Variants in PCDHGB1 observed in about 807,000 individuals in gnomAD.
The protein encoded by PCDHGB1 is protocadherin gamma-B1.
In PCDHGB1, 34 loss-of-function variants were observed where a neutral mutation model predicts 56.6. That is an observed-to-expected ratio of 0.60 (90% CI 0.46 to 0.80). The LOEUF (loss-of-function observed/expected upper bound fraction) is 0.80. PCDHGB1 is among the 30% of genes least tolerant of loss of function. PCDHGB1 has a pLI of 0.00. For synonymous variants in PCDHGB1, 561 were observed against 505.9 expected (o/e 1.11, Z -1.46); for missense variants, 1,278 against 1,204.6 (o/e 1.06, Z -0.90).
chr5:141,390,477 C>T (rs2150421205), intron 1 of PCDHGB1: 3 of 678,620 alleles, frequency 4.4e-6, no homozygotes, highest in South Asian at 2.0e-5. Flanking sequence ...TGTGGCCCAA[C>T]ATTTGTTTGT....
At chr5:141,372,282 C>G (rs1163647309) in intron 1 of PCDHGB1, 3 of 1,613,202 alleles carry the variant, frequency 1.9e-6, no homozygotes, top group East Asian at 2.2e-5. Flanking sequence ...GCGCACGGCG[C>G]GTACCTTGGG....
chr5:141,392,628 A>C (rs2092566593), intron 1 of PCDHGB1: 2 of 588,334 alleles, frequency 3.4e-6, no homozygotes, highest in South Asian at 5.4e-5. Flanking sequence ...AAACACTCAG[A>C]TCTCACACCT....
rs935078369 is a variant in PCDHGB1 at position 141,351,524 on chromosome 5, G to A, written c.1264G>A (p.Asp422Asn). 9.9e-6 allele frequency: 16 copies of A among 1,613,998 alleles called. No homozygotes were observed. The South Asian group carries it at 1.2e-4, about 12-fold the overall frequency. Reference sequence around the variant, plus strand: ...CTACAACGTCACAATCATAGCCACCGACAAGGGCAAACCAGCCCTTTCCTC... The same window carrying A: ...CTACAACGTCACAATCATAGCCACCAACAAGGGCAAACCAGCCCTTTCCTC... ...ADYNVTIIAT[D>N]KGKPALSSRT... Residue 422 changes from aspartate (D) to asparagine (N), a missense_variant, in exon 1 of 4, where the codon GAC becomes AAC. By Grantham distance (23) the Asp-to-Asn change is conservative. Coordinates refer to ENST00000523390, the MANE Select transcript of PCDHGB1 (RefSeq NM_018922.3).
chr5:141,419,217 G>A (rs1407588828), intron 1 of PCDHGB1: 1 of 1,613,936 alleles, frequency 6.2e-7, no homozygotes, highest in Admixed American at 1.7e-5. Context: ...CCGGTTTTCG[G>A]ACAGTCAGCC....
chr5:141,388,662 A>T, intron 1 of PCDHGB1: 1 of 1,613,954 alleles, frequency 6.2e-7, no homozygotes, highest in Non-Finnish European at 8.5e-7. Flanking sequence ...CCCGGGGACC[A>T]CGGTGCTACA....
Position 141,352,167 on chromosome 5 carries a change from A to G in PCDHGB1, c.1907A>G (p.Gln636Arg), listed in dbSNP as rs1003430908. The G allele has an allele frequency of 1.2e-6, 2 of 1,613,210 alleles. No homozygotes were observed. The highest frequency in any genetic ancestry group is 1.7e-6 in the Non-Finnish European group (2 of 1,179,728). ...TTGGGCGACAGGGACGCGGCCCGCC[A>G]GCGCCTGCTGGTCGCTGTGCGTGAT... ...RALGDRDAAR[Q>R]RLLVAVRDGG... is the part of the protein sequence containing the mutation. Residue 636 changes from glutamine (Q) to arginine (R), a missense_variant, in exon 1 of 4, where the codon CAG becomes CGG. Gln to Arg is a conservative substitution (Grantham distance 43). Transcript: ENST00000523390.
intron 3 of PCDHGB1, among the ~76,000 whole-genome samples, chr5:141,510,194 G>T (rs920127442): frequency 6.6e-6 from 1 of 151,462 alleles, no homozygotes. Context: ...AATCACTTGA[G>T]CCCAGGAGGC....
intron 1 of PCDHGB1, chr5:141,372,164 G>C: frequency 6.2e-7 from 1 of 1,613,780 alleles, no homozygotes; most frequent in Non-Finnish European, 8.5e-7. Context: ...TGGTGACCAA[G>C]GTGGTGGCGG....
intron 1 of PCDHGB1, chr5:141,405,207 C>A (rs767001796): frequency 6.2e-7 from 1 of 1,613,292 alleles, no homozygotes; most frequent in Non-Finnish European, 8.5e-7. Flanking sequence ...TTCCTACAGA[C>A]CTATTCTCAG....
Position 141,491,306 on chromosome 5 carries a change from A to G in PCDHGB1, c.2410-3501A>G. ...CTCATACACCCTCCTGAGCGTTCAGACCTTACCCTTTACCTCATTGTGGCT... is the reference window on the plus strand; with the variant it reads ...CTCATACACCCTCCTGAGCGTTCAGGCCTTACCCTTTACCTCATTGTGGCT... On this transcript the variant is annotated intron_variant, in intron 1 of 3. Coordinates refer to ENST00000523390, the MANE Select transcript of PCDHGB1 (RefSeq NM_018922.3). This position sits in a 1 kb window ranked among gnomAD's most constrained non-coding sequence, Gnocchi z 6.9. 1 of 1,614,032 alleles carries G rather than the reference A, an allele frequency of 6.2e-7. No individual in the cohort carries two copies. The highest frequency in any genetic ancestry group is 2.2e-5 in the East Asian group (1 of 44,872).
rs1488446232 is a variant in PCDHGB1, at chr5:141,493,171, A to G, written c.2410-1636A>G. On this transcript the variant is annotated intron_variant, in intron 1 of 3. Coordinates refer to ENST00000523390, the MANE Select transcript of PCDHGB1 (RefSeq NM_018922.3). This position sits in a 1 kb window ranked among gnomAD's most constrained non-coding sequence, Gnocchi z 4.3. ...GGTGATTTTGATAGCTGATTGAGAG[A>G]AACTTACTATATAACTCCTTTGAGA... is the stretch of plus-strand genomic sequence containing the variant. 6.6e-6 allele frequency among the ~76,000 whole-genome samples: 1 copy of G among 152,214 alleles called. No homozygotes were observed. The highest frequency in any genetic ancestry group is 1.5e-5 in the Non-Finnish European group (1 of 68,034).
chr5:141,352,730 C>T, intron 1 of PCDHGB1, 61 bp downstream of exon 1: 1 of 1,518,416 alleles, frequency 6.6e-7, no homozygotes, highest in Non-Finnish European at 8.9e-7. Flanking sequence ...TGGCTCAAGC[C>T]TGTAATCCCA....
chr5:141,423,605 T>G lies in PCDHGB1; in HGVS notation c.2409+70936T>G. The G allele has an allele frequency of 1.6e-5, 26 of 1,612,620 alleles. No individual in the cohort carries two copies. Among genetic ancestry groups the G allele is most frequent in the Non-Finnish European group, 2.0e-5 (24 of 1,179,120 alleles). On this transcript the variant is annotated intron_variant, in intron 1 of 3. Transcript: ENST00000523390. Reference sequence around the variant, plus strand: ...AGCTGTGAGAAAAGCGAGCCACTCTTGATAGCTGAAGACTCAGCTATCATT... The same window carrying G: ...AGCTGTGAGAAAAGCGAGCCACTCTGGATAGCTGAAGACTCAGCTATCATT...
chr5:141,446,558 T>G (rs1413501675), intron 1 of PCDHGB1, among the ~76,000 whole-genome samples: 3 of 151,788 alleles, frequency 2.0e-5, no homozygotes, highest in Non-Finnish European at 1.5e-5. Flanking sequence ...CTCACTGCAA[T>G]CTCTGCCTCC....
intron 1 of PCDHGB1, chr5:141,356,868 C>A: frequency 6.2e-7 from 1 of 1,614,206 alleles, no homozygotes; most frequent in Non-Finnish European, 8.5e-7. Context: ...TGGACCAGAA[C>A]GACAATGTCC....
chr5:141,350,133 C>A lies in PCDHGB1; in HGVS notation c.-128C>A. 1.4e-6 allele frequency: 1 copy of A among 737,116 alleles called. No homozygotes were observed. The highest frequency in any genetic ancestry group is 2.0e-6 in the Non-Finnish European group (1 of 499,138). The allele number at this position is 737,116 out of a possible 1,614,324, so 45.7% of individuals were successfully genotyped here. On this transcript the variant is annotated 5_prime_UTR_variant, in exon 1 of 4. Coordinates refer to ENST00000523390, the MANE Select transcript of PCDHGB1 (RefSeq NM_018922.3). The stretch of plus-strand genomic sequence containing the variant: ...CTTTGTCCGGTGCACTGAGCACAGA[C>A]GCTGCTCCTGTTCACCCTCGAGCGC...
chr5:141,395,413 GT>G, intron 1 of PCDHGB1: 2 of 791,446 alleles, frequency 2.5e-6, no homozygotes, highest in Non-Finnish European at 3.8e-6. Context: ...ATAGGTTATT[GT>G]TTCATTTGCT....
Position 141,477,626 on chromosome 5 carries a change from G to C in PCDHGB1, c.2410-17181G>C. The C allele has an allele frequency of 1.2e-6, 2 of 1,614,170 alleles. No homozygotes were observed. Among genetic ancestry groups the C allele is most frequent in the Non-Finnish European group, 1.7e-6 (2 of 1,180,036 alleles). ...TCTCTTGGAGCAAGGAGCTGAAACCGGGCTAGTGGGTCGCTATTTCACAAT... is the reference window on the plus strand; with the variant it reads ...TCTCTTGGAGCAAGGAGCTGAAACCCGGCTAGTGGGTCGCTATTTCACAAT... On this transcript the variant is annotated intron_variant, in intron 1 of 3. Transcript: ENST00000523390. The surrounding 1 kb of genome is among the most constrained non-coding windows in gnomAD (Gnocchi z 4.9).
intron 2 of PCDHGB1, among the ~76,000 whole-genome samples, chr5:141,500,381 T>G (rs1013284512): frequency 7.2e-5 from 11 of 151,786 alleles, no homozygotes; most frequent in African/African-American, 2.7e-4. Flanking sequence ...GCTAATTATT[T>G]TGTATTTTTA....
Sources: allele counts gnomAD v4.1 joint callset (sites outside exome capture counted in the v4.1 genomes callset), GRCh38; gene constraint gnomAD v4.1.1; non-coding constraint Gnocchi (gnomAD v3.1); transcripts MANE v1.5; gene names NCBI Gene and HGNC (gene_info 2026-07-23, HGNC 2026-07-21).